PDXDC1: variants seen among roughly 807,000 people sequenced by gnomAD.
PDXDC1 encodes the protein pyridoxal dependent decarboxylase domain containing 1.
In PDXDC1, 42 loss-of-function variants were observed where a neutral mutation model predicts 100.1. The observed-to-expected ratio is 0.42, with a 90% CI of 0.33 to 0.54. The LOEUF is 0.54. Ranked by LOEUF, PDXDC1 falls within the 20% of genes least tolerant of loss-of-function variation. The pLI is 0.10. For missense variants in PDXDC1, 636 were observed against 979.2 expected, an observed-to-expected ratio of 0.65 and a Z score of 4.68; for synonymous variants, 260 against 371.7, an observed-to-expected ratio of 0.70 and a Z score of 3.46.
intron 16 of PDXDC1, among the ~76,000 whole-genome samples, chr16:15,082,783 C>A (rs923031886): frequency 2.0e-5 from 3 of 151,922 alleles, no homozygotes; most frequent in African/African-American, 7.3e-5. Context: ...CTAAGGCAAC[C>A]ACTATTAATT....
rs556983770 is a variant in PDXDC1, at chr16:15,132,977, G to A, written c.1400-5902G>A. 1.9e-5 allele frequency: 29 copies of A among 1,536,246 alleles called. No homozygotes were observed. In the South Asian group the frequency reaches 3.2e-4, roughly 17 times the overall value. On this transcript the variant is annotated intron_variant, in intron 16 of 16. Transcript: ENST00000535621. ...GGGGTGCAGTTACGTGCTAGATGCT[G>A]TGTGATGTGGGCATTGACCCGCAAC... is the stretch of plus-strand genomic sequence containing the variant.
At chr16:15,096,897 G>A (rs964134709) in intron 16 of PDXDC1, among the ~76,000 whole-genome samples, 3 of 151,904 alleles carry the variant, frequency 2.0e-5, no homozygotes, top group African/African-American at 4.8e-5. Context: ...TTGAACCCCC[G>A]GCCCAAGTGA....
chr16:15,028,689 T>C (rs2042817523), intron 14 of PDXDC1, among the ~76,000 whole-genome samples, 189 bp from the exon 15 acceptor site: 1 of 152,308 alleles, frequency 6.6e-6, no homozygotes, highest in Admixed American at 6.5e-5. Flanking sequence ...TGTGAATGTA[T>C]TCAAGTGTTA....
the PDXDC1 span, among the ~76,000 whole-genome samples, chr16:15,145,187 G>A: frequency 6.6e-6 from 1 of 152,190 alleles, no homozygotes; most frequent in African/African-American, 2.4e-5. Flanking sequence ...TGGTGGGGGG[G>A]GCCAAGCAAA....
chr16:15,094,476 C>G (rs1398112830), intron 16 of PDXDC1: 8 of 562,708 alleles, frequency 1.4e-5, no homozygotes, highest in African/African-American at 7.7e-5. Context: ...AGGACCGGCT[C>G]CATCCAGCCC....
intron 16 of PDXDC1, chr16:15,068,125 A>G (rs1347831554): frequency 1.4e-5 from 20 of 1,471,920 alleles, no homozygotes; most frequent in Non-Finnish European, 1.6e-5. Context: ...ACATAAATAA[A>G]AATATTTTAA....
intron 1 of PDXDC1, among the ~76,000 whole-genome samples, chr16:14,982,421 G>C (rs1053413575): frequency 6.8e-4 from 103 of 152,168 alleles, no homozygotes; most frequent in Admixed American, 4.8e-3. Context: ...TCAGGAGTTC[G>C]AGACCAGCCT....
At chr16:15,146,123 G>C in the PDXDC1 span, among the ~76,000 whole-genome samples, 1 of 152,214 alleles carries the variant, frequency 6.6e-6, no homozygotes, top group Non-Finnish European at 1.5e-5. Flanking sequence ...ACTGTCACGA[G>C]ATGGTGGCCA....
At position 15,071,311 on chromosome 16, in the gene PDXDC1, A is replaced by G. The variant is rs931701157; in HGVS notation, c.1399+41255A>G. 3.5e-5 allele frequency: 53 copies of G among 1,494,574 alleles called. No homozygotes were observed. The African/African-American group carries it at 6.5e-4, about 18-fold the overall frequency. 92.6% of individuals were successfully genotyped at this position (1,494,574 alleles called of 1,614,324 possible). ...TAATGCCTAAGATAATCTGGCTATC[A>G]AAATCCCAAGATTTTTACTTCACCA... On this transcript the variant is annotated intron_variant, in intron 16 of 16. Transcript: ENST00000535621.
At chr16:14,985,309 A>T (rs1364441740) in intron 1 of PDXDC1, among the ~76,000 whole-genome samples, 1 of 119,224 alleles carries the variant, frequency 8.4e-6, no homozygotes, top group Non-Finnish European at 1.6e-5. Context: ...TTTTTTTGAG[A>T]CGGAGTCTTG....
chr16:15,016,770 G>C (rs1435758494), intron 9 of PDXDC1, among the ~76,000 whole-genome samples: 2 of 152,294 alleles, frequency 1.3e-5, no homozygotes, highest in Non-Finnish European at 2.9e-5. Context: ...CAGGGGGAAC[G>C]GACGTGGGCA....
intron 16 of PDXDC1, chr16:15,127,353 C>T (rs1243091776): frequency 5.5e-6 from 4 of 721,994 alleles, no homozygotes; most frequent in East Asian, 5.5e-5. Context: ...CCTTCCCGAG[C>T]AGCCTTTGGT....
chr16:15,110,699 T>C, intron 16 of PDXDC1: 1 of 1,587,742 alleles, frequency 6.3e-7, no homozygotes, highest in East Asian at 2.2e-5. Context: ...TTCCACACTA[T>C]GGGGACTCCA....
At chr16:15,142,035 G>A (rs1256680996), downstream of PDXDC1, among the ~76,000 whole-genome samples, 1 of 152,192 alleles carries the variant, frequency 6.6e-6, no homozygotes, top group Non-Finnish European at 1.5e-5. Flanking sequence ...CCCCTGGAAG[G>A]GACACAGCTG....
chr16:15,041,111 G>T, downstream of PDXDC1: 1 of 1,562,464 alleles, frequency 6.4e-7, no homozygotes, highest in Non-Finnish European at 8.8e-7. Flanking sequence ...TTTCTTCCCG[G>T]TCATTTAATT....
At chr16:15,128,385 G>C in intron 16 of PDXDC1, 2 of 1,561,738 alleles carry the variant, frequency 1.3e-6, no homozygotes, top group East Asian at 2.2e-5. Context: ...CGTGGGCCGT[G>C]GTACCTGGAG....
At chr16:15,104,810 A>C in intron 16 of PDXDC1, 1 of 1,534,672 alleles carries the variant, frequency 6.5e-7, no homozygotes. Context: ...TGATGGACAA[A>C]ATTACCGCCA....
chr16:15,133,565 A>C, intron 16 of PDXDC1: 1 of 1,037,988 alleles, frequency 9.6e-7, no homozygotes, highest in Non-Finnish European at 1.5e-6. Flanking sequence ...GTGTGGCCTG[A>C]AACCCGGGGG....
intron 16 of PDXDC1, among the ~76,000 whole-genome samples, chr16:15,030,672 C>T (rs1246318272): frequency 6.6e-6 from 1 of 151,622 alleles, no homozygotes; most frequent in Non-Finnish European, 1.5e-5. Context: ...CAGCCTTGAC[C>T]TCCTGGGCTC....
Sources: allele counts gnomAD v4.1 joint callset (sites outside exome capture counted in the v4.1 genomes callset), GRCh38; gene constraint gnomAD v4.1.1; transcripts MANE v1.5; gene names NCBI Gene and HGNC (gene_info 2026-07-23, HGNC 2026-07-21).